The following TICRR variants were observed in gnomAD, a reference collection of about 807,000 sequenced individuals.
The protein encoded by TICRR is TOPBP1 interacting checkpoint and replication regulator.
Under a neutral mutation model 178.1 loss-of-function variants are expected in TICRR, and 132 were observed. The observed-to-expected ratio is 0.74, with a 90% CI of 0.64 to 0.86. TICRR has a LOEUF of 0.86. Among genes scored for constraint, TICRR ranks in the 40% least tolerant of loss-of-function variants. The pLI, the probability that TICRR is intolerant of heterozygous loss-of-function variation, is 0.00. For synonymous variants in TICRR, 991 were observed against 900.7 expected (o/e 1.10, Z -1.79); for missense variants, 2,587 against 2,334.3 (o/e 1.11, Z -2.23).
At chr15:89,596,471 C>G (rs112830743) in intron 7 of TICRR, among the ~76,000 whole-genome samples, 1 of 152,042 alleles carries the variant, frequency 6.6e-6, no homozygotes, top group Non-Finnish European at 1.5e-5. Context: ...CTCAGCCTCC[C>G]GAGTAGCTGG....
chr15:89,608,835 CA>C lies in TICRR; in HGVS notation c.2756del (p.Gln919ArgfsTer11). The C allele has an allele frequency of 6.2e-7, 1 of 1,602,500 alleles. No individual in the cohort carries two copies. Among genetic ancestry groups the C allele is most frequent in the Non-Finnish European group, 8.5e-7 (1 of 1,175,928 alleles). Reference sequence around the variant, plus strand: ...CAAAGTTCGAAGAAATCTTTTCAACCAGGAATTGCTTTCCCCTTCAAAGAGA... The same window carrying C: ...CAAAGTTCGAAGAAATCTTTTCAACCGGAATTGCTTTCCCCTTCAAAGAGA... ...VTKVRRNLFN[Q>X]ELLSPSKRSL... On this transcript the variant is annotated frameshift_variant, in exon 15 of 22. Coordinates refer to ENST00000268138, the MANE Select transcript of TICRR (RefSeq NM_152259.4). LOFTEE classifies it high-confidence loss of function.
intron 5 of TICRR, 28 bp downstream of exon 5, chr15:89,592,204 T>A: frequency 6.3e-7 from 1 of 1,582,560 alleles, no homozygotes; most frequent in Non-Finnish European, 8.7e-7. Flanking sequence ...CTCTTGAATA[T>A]TGATTATTAA....
intron 15 of TICRR, among the ~76,000 whole-genome samples, chr15:89,614,885 A>T (rs1388691040): frequency 6.6e-6 from 1 of 152,216 alleles, no homozygotes; most frequent in Non-Finnish European, 1.5e-5. Flanking sequence ...GTGTTGGGTC[A>T]TGCCTTCAAC....
At chr15:89,588,092 G>A (rs77087588) in intron 4 of TICRR, among the ~76,000 whole-genome samples, 6 of 152,200 alleles carry the variant, frequency 3.9e-5, no homozygotes, top group African/African-American at 9.7e-5. Flanking sequence ...GCCAAGGTGA[G>A]TGATGTTGGT....
chr15:89,616,301 T>G (rs1963334393), intron 15 of TICRR, 104 bp from the exon 16 acceptor site: 1 of 832,310 alleles, frequency 1.2e-6, no homozygotes, highest in Non-Finnish European at 2.0e-6. Flanking sequence ...CCTCTCCAGC[T>G]AGGTAATAAG....
In TICRR at chr15:89,582,727, T is replaced by C. The variant is rs781365537; in HGVS notation, c.696T>C (p.Cys232=). 2.2e-5 allele frequency: 36 copies of C among 1,614,132 alleles called. No individual in the cohort carries two copies. The highest frequency in any genetic ancestry group is 2.9e-5 in the Non-Finnish European group (34 of 1,180,052). Residue 232 remains cysteine (C), a synonymous_variant, in exon 2 of 22, where the codon TGT becomes TGC. Coordinates refer to ENST00000268138, the MANE Select transcript of TICRR (RefSeq NM_152259.4). ...SPDHLGYWTV[C]ELLHHGGGTV... is the part of the protein sequence containing the mutation. Reference sequence around the variant, plus strand: ...ACCACCTTGGATACTGGACTGTTTGTGAACTGCTCCACCACGGAGGTGGCA... The same window carrying C: ...ACCACCTTGGATACTGGACTGTTTGCGAACTGCTCCACCACGGAGGTGGCA...
At chr15:89,608,490 A>G (rs1963206176) in intron 14 of TICRR, among the ~76,000 whole-genome samples, 1 of 152,240 alleles carries the variant, frequency 6.6e-6, no homozygotes, top group Admixed American at 6.5e-5. Flanking sequence ...GTACCAAGAC[A>G]ATTTGATGGA....
rs1963565571 is a variant in TICRR, at chr15:89,627,901, C to T, written c.*815C>T. On this transcript the variant is annotated 3_prime_UTR_variant, in exon 22 of 22. Transcript: ENST00000268138. ...TGTCTCTCAGTCTCCAGAAAGTGTT[C>T]AAGCCTGTTGTGTTCCCAAATCTGA... 6.5e-6 allele frequency: 1 copy of T among 153,142 alleles called. No homozygotes were observed. The highest frequency in any genetic ancestry group is 6.5e-5 in the Admixed American group (1 of 15,374). The allele number at this position is 153,142 out of a possible 1,614,324, so 9.5% of individuals were successfully genotyped here.
chr15:89,587,128 A>C (rs1162052524), intron 4 of TICRR, among the ~76,000 whole-genome samples: 3 of 152,194 alleles, frequency 2.0e-5, no homozygotes, highest in Non-Finnish European at 4.4e-5. Context: ...CTGTTAGATT[A>C]AATGTGTAGA....
chr15:89,583,559 A>G (rs977503086), intron 2 of TICRR, among the ~76,000 whole-genome samples: 1 of 152,226 alleles, frequency 6.6e-6, no homozygotes, highest in African/African-American at 2.4e-5. Flanking sequence ...TTTTGTTTAT[A>G]TAATTTCATT....
chr15:89,580,899 G>A (rs1377634707), intron 1 of TICRR, among the ~76,000 whole-genome samples: 5 of 152,140 alleles, frequency 3.3e-5, no homozygotes. Context: ...AGGTGTGGTG[G>A]CACATGCCTG....
chr15:89,626,897 T>C (rs1963537850), intron 21 of TICRR, 59 bp from the exon 22 acceptor site: 2 of 1,580,550 alleles, frequency 1.3e-6, no homozygotes, highest in Admixed American at 1.8e-5. Flanking sequence ...TTTAAGCCAA[T>C]TTTTTTCAGT....
At chr15:89,598,834 TG>T (rs1442697135) in intron 7 of TICRR, among the ~76,000 whole-genome samples, 1 of 151,952 alleles carries the variant, frequency 6.6e-6, no homozygotes, top group Non-Finnish European at 1.5e-5. Context: ...GGTGAAACCC[TG>T]TCTTTACCAA....
chr15:89,575,931 G>A lies in TICRR; in HGVS notation c.345G>A (p.Arg115=). 1 of 1,595,068 alleles carries A rather than the reference G, an allele frequency of 6.3e-7. No homozygotes were observed. Among genetic ancestry groups the A allele is most frequent in the South Asian group, 1.1e-5 (1 of 88,962 alleles). Residue 115 remains arginine, a synonymous_variant, in exon 1 of 22, where the codon CGG becomes CGA. Transcript: ENST00000268138. ...METLLDYQWD[R]PEITSPTKPI... Reference sequence around the variant, plus strand: ...CGCTGCTAGACTACCAGTGGGACCGGCCCGAGATCACGTCGCCCACGAAGC... The same window carrying A: ...CGCTGCTAGACTACCAGTGGGACCGACCCGAGATCACGTCGCCCACGAAGC...
In TICRR at chr15:89,625,596, C is replaced by T. The variant is rs373209536; in HGVS notation, c.5286C>T (p.Ala1762=). 5.6e-6 allele frequency: 9 copies of T among 1,613,026 alleles called. No homozygotes were observed. Among genetic ancestry groups the T allele is most frequent in the South Asian group, 5.5e-5 (5 of 91,086 alleles). ...PRNSMPKAEE[A]SSWGQFGLSS... Reference sequence around the variant, plus strand: ...ACAGCATGCCTAAGGCCGAGGAAGCCTCTTCCTGGGGACAGTTTGGGTTGA... The same window carrying T: ...ACAGCATGCCTAAGGCCGAGGAAGCTTCTTCCTGGGGACAGTTTGGGTTGA... The change falls in exon 20 of 22, where the codon GCC becomes GCT. Residue 1762 remains alanine, a synonymous_variant. Transcript: ENST00000268138.
intron 4 of TICRR, among the ~76,000 whole-genome samples, chr15:89,591,147 C>T (rs565902816): frequency 9.9e-5 from 15 of 152,274 alleles, no homozygotes; most frequent in Admixed American, 2.0e-4. Flanking sequence ...GTGTGTGAGA[C>T]GGAGTCTCGC....
In TICRR at chr15:89,623,748, C is replaced by T. The variant is rs1366307690; in HGVS notation, c.3438C>T (p.Thr1146=). ...ERLQKSPAKM[T]PTKQAAFKES... ...TGCAGAAGTCCCCTGCAAAAATGAC[C>T]CCTACAAAGCAGGCAGCTTTTAAGG... The change falls in exon 20 of 22, where the codon ACC becomes ACT. Residue 1146 remains threonine, a synonymous_variant. Transcript: ENST00000268138. 7.4e-6 allele frequency: 12 copies of T among 1,614,004 alleles called. No individual in the cohort carries two copies. The highest frequency in any genetic ancestry group is 1.0e-5 in the Non-Finnish European group (12 of 1,180,014).
In TICRR at chr15:89,586,752, G is replaced by A. The variant is rs565206402; in HGVS notation, c.1411+810G>A. Among the ~76,000 whole-genome samples, 9 of 152,318 alleles carry A rather than the reference G, an allele frequency of 5.9e-5. No individual in the cohort carries two copies. In the South Asian group the frequency reaches 1.9e-3, roughly 32 times the overall value. On this transcript the variant is annotated intron_variant, in intron 4 of 21. Coordinates refer to ENST00000268138, the MANE Select transcript of TICRR (RefSeq NM_152259.4). ...ACAGCGAGTGCCAAGGCTCAGAAGG[G>A]TGTTAGAGGAATGGCAGGGAAGCCT...
intron 17 of TICRR, 41 bp from the exon 18 acceptor site, chr15:89,619,667 G>T: frequency 6.3e-7 from 1 of 1,576,538 alleles, no homozygotes; most frequent in Non-Finnish European, 8.6e-7. Context: ...TGTCAAGCTT[G>T]TAGTTGTCTT....
Sources: allele counts gnomAD v4.1 joint callset (sites outside exome capture counted in the v4.1 genomes callset), GRCh38; gene constraint gnomAD v4.1.1; transcripts MANE v1.5; gene names NCBI Gene and HGNC (gene_info 2026-07-23, HGNC 2026-07-21).